Variants in CDH9 observed in about 807,000 individuals in gnomAD.
CDH9 encodes cadherin 9, also known as cadherin-9.
A neutral mutation model predicts 70.9 loss-of-function variants in CDH9; 28 were observed. The ratio of observed to expected loss-of-function variants is 0.40; its 90% confidence interval spans 0.29 to 0.54. The LOEUF (loss-of-function observed/expected upper bound fraction) is 0.54, where lower values mean the gene tolerates loss of function less well. Ranked by LOEUF, CDH9 falls within the 20% of genes least tolerant of loss-of-function variation. The probability of loss-of-function intolerance (pLI) is 0.59; values close to 1 mark genes in which losing one functional copy is unlikely to be tolerated. For missense variants in CDH9, 874 were observed against 984.4 expected (o/e 0.89, Z 1.50); for synonymous variants, 409 against 343.1 (o/e 1.19, Z -2.12).
intron 1 of CDH9, among the ~76,000 whole-genome samples, chr5:27,027,352 T>C (rs1196901017): frequency 6.6e-6 from 1 of 152,036 alleles, no homozygotes; most frequent in Non-Finnish European, 1.5e-5. Flanking sequence ...ACAATGAAAT[T>C]AATCATTAAA....
chr5:26,882,525 A>C (rs1740484220), intron 11 of CDH9, among the ~76,000 whole-genome samples: 1 of 152,048 alleles, frequency 6.6e-6, no homozygotes, highest in African/African-American at 2.4e-5. Context: ...TTTTCTAATA[A>C]ATGCATGTTG....
rs1742816984 is a variant in CDH9, at chr5:27,004,077, AC to A, written c.-49-15696del. Among the ~76,000 whole-genome samples, 3 of 146,494 alleles carry A rather than the reference AC, an allele frequency of 2.0e-5. No individual in the cohort carries two copies. The East Asian group carries it at 6.1e-4, about 30-fold the overall frequency. On this transcript the variant is annotated intron_variant, in intron 1 of 11. Transcript: ENST00000231021. ...GGGAGGATAAATTGGGGAGGTAGTT[AC>A]TTTTGATATTGTGGTCAAAGAATGC... is the stretch of plus-strand genomic sequence containing the variant.
chr5:27,012,761 T>C (rs1381563632), intron 1 of CDH9, among the ~76,000 whole-genome samples: 2 of 152,014 alleles, frequency 1.3e-5, no homozygotes, highest in African/African-American at 2.4e-5. Flanking sequence ...TAAAAACACA[T>C]TAGCATGTTT....
intron 1 of CDH9, among the ~76,000 whole-genome samples, chr5:26,997,191 A>G (rs1742681050): frequency 6.6e-6 from 1 of 152,176 alleles, no homozygotes; most frequent in Admixed American, 6.6e-5. Context: ...TGTTGTCTGT[A>G]ATGATGGTGG....
intron 2 of CDH9, among the ~76,000 whole-genome samples, chr5:26,933,931 G>A (rs1190166600): frequency 6.6e-6 from 1 of 152,056 alleles, no homozygotes; most frequent in Non-Finnish European, 1.5e-5. Flanking sequence ...CATTTGTATT[G>A]CTATAAAGGA....
At chr5:26,955,665 T>C (rs531231445) in intron 2 of CDH9, among the ~76,000 whole-genome samples, 16 of 152,224 alleles carry the variant, frequency 1.1e-4, no homozygotes, top group Admixed American at 9.8e-4. Flanking sequence ...CCTTTTGTTA[T>C]AAATGGCACT....
chr5:26,947,800 G>C (rs749072656), intron 2 of CDH9, among the ~76,000 whole-genome samples: 1 of 152,116 alleles, frequency 6.6e-6, no homozygotes, highest in Non-Finnish European at 1.5e-5. Context: ...TGAAGGTAGA[G>C]TCTTCCAAGA....
At position 26,983,911 on chromosome 5, in the gene CDH9, A is replaced by G. The variant is rs568270838; in HGVS notation, c.228+4195T>C. 5.6e-4 allele frequency among the ~76,000 whole-genome samples: 85 copies of G among 152,260 alleles called. 1 individual carries two copies. Among genetic ancestry groups the G allele is most frequent in the African/African-American group, 2.0e-3 (84 of 41,562 alleles). ...TACCTATTCGAGTCCATTATTTTAT[A>G]TATACTTCAGCTATATATTAATACT... On this transcript the variant is annotated intron_variant, in intron 2 of 11. Transcript: ENST00000231021.
intron 1 of CDH9, among the ~76,000 whole-genome samples, chr5:27,006,024 G>A (rs945949910): frequency 1.4e-4 from 21 of 152,100 alleles, no homozygotes; most frequent in Admixed American, 6.6e-4. Context: ...ACTTGGAGGT[G>A]GAGGCTGGAA....
At chr5:26,990,251 G>C (rs577380699) in intron 1 of CDH9, among the ~76,000 whole-genome samples, 98 of 152,240 alleles carry the variant, frequency 6.4e-4, no homozygotes, top group Non-Finnish European at 3.1e-4. Context: ...TAATTGGCAG[G>C]TGGTATTATA....
chr5:27,033,722 A>G (rs1475932041), intron 1 of CDH9, among the ~76,000 whole-genome samples: 1 of 151,642 alleles, frequency 6.6e-6, no homozygotes, highest in Non-Finnish European at 1.5e-5. Flanking sequence ...ATTTTTAAAC[A>G]TATTTCTAGA....
chr5:26,942,954 G>C (rs1056241561), intron 2 of CDH9, among the ~76,000 whole-genome samples: 2 of 152,078 alleles, frequency 1.3e-5, no homozygotes, highest in Non-Finnish European at 2.9e-5. Flanking sequence ...CCTGCTGCCA[G>C]TGAAAATTGT....
At chr5:26,978,073 C>G (rs1311269631) in intron 2 of CDH9, among the ~76,000 whole-genome samples, 1 of 151,984 alleles carries the variant, frequency 6.6e-6, no homozygotes, top group Non-Finnish European at 1.5e-5. Flanking sequence ...ACTCAACACT[C>G]TTTAAAGCAA....
At chr5:26,901,577 CCTAA>C (rs547925351) in intron 7 of CDH9, among the ~76,000 whole-genome samples, 4 of 151,756 alleles carry the variant, frequency 2.6e-5, no homozygotes, top group African/African-American at 9.6e-5. Flanking sequence ...AACCATTTTC[CCTAA>C]CTAATTAAAT....
intron 2 of CDH9, among the ~76,000 whole-genome samples, chr5:26,945,736 C>G (rs1741741716): frequency 6.6e-6 from 1 of 152,028 alleles, no homozygotes; most frequent in Non-Finnish European, 1.5e-5. Context: ...GAGTTTAGAT[C>G]AAAAACTCTG....
At chr5:26,966,147 C>T (rs1345637554) in intron 2 of CDH9, among the ~76,000 whole-genome samples, 2 of 152,158 alleles carry the variant, frequency 1.3e-5, no homozygotes, top group Admixed American at 6.5e-5. Flanking sequence ...CCCTGGAGTT[C>T]CTCATATCCA....
intron 1 of CDH9, among the ~76,000 whole-genome samples, chr5:27,030,793 A>G (rs1430444508): frequency 8.2e-6 from 1 of 122,618 alleles, no homozygotes; most frequent in African/African-American, 3.0e-5. Context: ...GATTATATTT[A>G]AAGGAGCAAA....
chr5:26,885,624 G>A lies in CDH9; in HGVS notation c.1872C>T (p.Leu624=), dbSNP rs1428963734. The change falls in exon 11 of 12, where the codon CTC becomes CTT. Residue 624 remains leucine, a synonymous_variant. Transcript: ENST00000231021. ...GALVAILLCV[L]ILLILVVLFA... ...AGGGGCAGAGCTTACTAAGCAGTAT[G>A]AGGACACAGAGTAGAATCGCAACGA... 3.1e-6 allele frequency: 5 copies of A among 1,612,944 alleles called. No homozygotes were observed. Among genetic ancestry groups the A allele is most frequent in the Non-Finnish European group, 3.4e-6 (4 of 1,179,748 alleles).
intron 1 of CDH9, among the ~76,000 whole-genome samples, chr5:27,004,560 G>T (rs997193105): frequency 6.6e-6 from 1 of 152,040 alleles, no homozygotes; most frequent in Admixed American, 6.6e-5. Context: ...GAAATATCCT[G>T]GTCAACAAAA....
Sources: gnomAD v4.1 joint callset for allele counts (sites outside exome capture counted in the v4.1 genomes callset) on GRCh38, gnomAD v4.1.1 for gene constraint, MANE v1.5 for transcripts, NCBI Gene and HGNC (gene_info 2026-07-23, HGNC 2026-07-21) for gene names.